Variants in DMD observed in about 807,000 individuals in gnomAD.
The protein encoded by DMD is dystrophin, also known as mutant dystrophin.
Under a neutral mutation model 330.1 loss-of-function variants are expected in DMD, and 63 were observed. The ratio of observed to expected loss-of-function variants is 0.19; its 90% CI spans 0.16 to 0.24. DMD has a LOEUF of 0.24. Among genes scored for constraint, DMD ranks in the 10% least tolerant of loss-of-function variants. DMD has a pLI of 1.00. For synonymous variants in DMD, 1,223 were observed against 959.8 expected (o/e 1.27, Z -5.07); for missense variants, 3,344 against 2,684.1 (o/e 1.25, Z -5.43).
At chrX:32,264,272 A>C (rs1397895174) in intron 43 of DMD, among the ~76,000 whole-genome samples, 1 of 111,682 alleles carries the variant, frequency 9.0e-6, no homozygotes, top group Non-Finnish European at 1.9e-5. Flanking sequence ...CTGCTTCCAC[A>C]GTGATTGTAA....
chrX:32,190,424 T>G (rs2096968226), intron 44 of DMD, among the ~76,000 whole-genome samples: 1 of 107,787 alleles, frequency 9.3e-6, no homozygotes, highest in South Asian at 4.0e-4. Flanking sequence ...AGACACTCAT[T>G]AAGTATAAGC....
chrX:32,055,464 T>C (rs937417107), intron 44 of DMD, among the ~76,000 whole-genome samples: 1 of 110,986 alleles, frequency 9.0e-6, no homozygotes, highest in Non-Finnish European at 1.9e-5. Flanking sequence ...TACGACTGAA[T>C]GGTGACTATA....
chrX:32,609,908 G>A (rs903501410), intron 12 of DMD, among the ~76,000 whole-genome samples: 2 of 111,196 alleles, frequency 1.8e-5, no homozygotes, highest in African/African-American at 6.5e-5. Context: ...AACCTAGCTA[G>A]TAAACTCAGC....
rs142265212 is a variant in DMD at position 31,553,161 on chromosome X, G to A, written c.8218-45708C>T. Among the ~76,000 whole-genome samples the A allele has an allele frequency of 1.6e-3, 179 of 111,869 alleles. 1 individual carries two copies. The East Asian group carries it at 0.018, about 11-fold the overall frequency. ...ACAGAAACTCTGGGGATGGGGCCCA[G>A]CCAGCTACGTTTTAAAAAGGCATTC... On this transcript the variant is annotated intron_variant, in intron 55 of 78. Coordinates refer to ENST00000357033, the MANE Select transcript of DMD (RefSeq NM_004006.3).
At chrX:31,232,407 G>A (rs1401109518) in intron 63 of DMD, among the ~76,000 whole-genome samples, 3 of 111,666 alleles carry the variant, frequency 2.7e-5, no homozygotes, top group Non-Finnish European at 5.6e-5. Context: ...CAGGAGAGGA[G>A]ATGAGAACAG....
At chrX:32,464,780 C>G in intron 23 of DMD, 81 bp from the exon 24 acceptor site, 1 of 715,735 alleles carries the variant, frequency 1.4e-6, no homozygotes, top group Non-Finnish European at 2.2e-6. Flanking sequence ...TGTCTAAACA[C>G]AGGCCCAAAA....
At chrX:33,146,553 G>A (rs1198686209) in intron 1 of DMD, among the ~76,000 whole-genome samples, 1 of 110,807 alleles carries the variant, frequency 9.0e-6, no homozygotes, top group East Asian at 2.9e-4. Context: ...TGAGGCACAC[G>A]AGTTTAAGAA....
chrX:31,791,199 T>A (rs1488038100), intron 50 of DMD, among the ~76,000 whole-genome samples: 2 of 112,298 alleles, frequency 1.8e-5, no homozygotes, highest in African/African-American at 6.5e-5. Context: ...GATTTCAGTT[T>A]CATTGTTGCC....
intron 7 of DMD, among the ~76,000 whole-genome samples, chrX:32,759,632 A>G (rs2071969184): frequency 8.9e-6 from 1 of 111,866 alleles, no homozygotes; most frequent in Non-Finnish European, 1.9e-5. Context: ...TGGATTCATC[A>G]TTTCACAAAG....
At chrX:32,655,111 A>T (rs1231799076) in intron 9 of DMD, among the ~76,000 whole-genome samples, 3 of 111,072 alleles carry the variant, frequency 2.7e-5, no homozygotes, top group African/African-American at 9.8e-5. Context: ...TTGATTTTTT[A>T]AAGGGCTTTT....
At chrX:32,277,273 T>A (rs778466631) in intron 43 of DMD, among the ~76,000 whole-genome samples, 2 of 111,746 alleles carry the variant, frequency 1.8e-5, no homozygotes, top group African/African-American at 3.3e-5. Context: ...GGAGTATATA[T>A]ATATAAAGCA....
intron 36 of DMD, among the ~76,000 whole-genome samples, chrX:32,363,802 T>C (rs896267587): frequency 2.1e-4 from 24 of 112,158 alleles, no homozygotes; most frequent in Non-Finnish European, 4.1e-4. Context: ...TTGAGTTTTC[T>C]TTAAATAGTA....
intron 7 of DMD, among the ~76,000 whole-genome samples, chrX:32,749,589 G>A (rs2070528961): frequency 8.9e-6 from 1 of 112,289 alleles, no homozygotes; most frequent in Non-Finnish European, 1.9e-5. Context: ...CTAAGGAAAT[G>A]GAAAGAATGA....
At chrX:32,696,114 C>T (rs184247984) in intron 9 of DMD, among the ~76,000 whole-genome samples, 86 of 111,860 alleles carry the variant, frequency 7.7e-4, no homozygotes, top group African/African-American at 2.6e-3. Context: ...TTATAGAGAA[C>T]GTTATTTTTC....
intron 50 of DMD, among the ~76,000 whole-genome samples, chrX:31,817,677 T>C (rs1258580134): frequency 9.0e-6 from 1 of 111,281 alleles, no homozygotes; most frequent in East Asian, 2.8e-4. Flanking sequence ...CTGGCAGCAA[T>C]GTGGAGGACA....
intron 61 of DMD, among the ~76,000 whole-genome samples, chrX:31,341,891 G>GCGCGCGTGCGCACACACACACA (rs374298104): frequency 1.0e-5 from 1 of 98,876 alleles, no homozygotes; most frequent in Non-Finnish European, 2.0e-5. Flanking sequence ...GTGCGCGCGC[G>GCGCGCGTGCGCACACACACACA]CACACACACA....
chrX:32,966,695 GCA>G (rs1255722314), intron 2 of DMD, among the ~76,000 whole-genome samples: 1 of 111,597 alleles, frequency 9.0e-6, no homozygotes. Flanking sequence ...GTGGTCTAGG[GCA>G]CAGTTTGAGC....
intron 44 of DMD, among the ~76,000 whole-genome samples, chrX:32,082,307 T>C (rs987025504): frequency 1.2e-4 from 13 of 111,104 alleles, no homozygotes; most frequent in African/African-American, 3.9e-4. Flanking sequence ...CAGCTCACCA[T>C]AGACTTGACC....
At chrX:31,211,803 G>T (rs972856589) in intron 64 of DMD, among the ~76,000 whole-genome samples, 2 of 112,111 alleles carry the variant, frequency 1.8e-5, no homozygotes, top group Non-Finnish European at 3.8e-5. Flanking sequence ...ACTGGATGTG[G>T]TTAAACACAA....
Sources: allele counts gnomAD v4.1 joint callset (sites outside exome capture counted in the v4.1 genomes callset), GRCh38; gene constraint gnomAD v4.1.1; transcripts MANE v1.5; gene names NCBI Gene and HGNC (gene_info 2026-07-23, HGNC 2026-07-21).